The following OCA2 variants were observed in gnomAD, a reference collection of about 807,000 sequenced individuals.
OCA2 encodes the protein P protein.
In OCA2, 77 loss-of-function variants were observed where a neutral mutation model predicts 100.2. The ratio of observed to expected loss-of-function variants is 0.77; its 90% CI spans 0.64 to 0.93. OCA2 has a LOEUF of 0.93. Ranked by LOEUF, OCA2 falls within the 40% of genes least tolerant of loss-of-function variation. The pLI is 0.00. For missense variants in OCA2, 1,062 were observed against 1,089.1 expected (o/e 0.98, Z 0.35); for synonymous variants, 432 against 439.2 (o/e 0.98, Z 0.21).
chr15:27,827,390 T>C (rs887242817), intron 23 of OCA2, among the ~76,000 whole-genome samples: 1 of 152,166 alleles, frequency 6.6e-6, no homozygotes, highest in East Asian at 1.9e-4. Context: ...GGTGCTCAGG[T>C]AATTCCGGGT....
At chr15:28,019,679 G>A (rs999742789) in intron 6 of OCA2, among the ~76,000 whole-genome samples, 2 of 152,116 alleles carry the variant, frequency 1.3e-5, no homozygotes, top group Non-Finnish European at 1.5e-5. Flanking sequence ...CCAGAGGGCC[G>A]GGAGGAGGCC....
downstream of OCA2, among the ~76,000 whole-genome samples, chr15:27,751,764 C>A (rs1256914624): frequency 2.0e-5 from 3 of 152,178 alleles, no homozygotes; most frequent in Non-Finnish European, 2.9e-5. Flanking sequence ...GGAGTGCAAA[C>A]CTCAGGATCT....
At chr15:27,758,867 T>G in intron 23 of OCA2, among the ~76,000 whole-genome samples, 1 of 152,142 alleles carries the variant, frequency 6.6e-6, no homozygotes, top group East Asian at 1.9e-4. Flanking sequence ...AACATTTGTA[T>G]CATCGGAGAA....
intron 18 of OCA2, among the ~76,000 whole-genome samples, chr15:27,932,848 T>C (rs1357697904): frequency 1.3e-5 from 2 of 152,064 alleles, no homozygotes; most frequent in Non-Finnish European, 2.9e-5. Context: ...CAAACAAGAC[T>C]ACTACAGCCT....
At chr15:27,836,274 GGCTTTAAGTTT>G (rs2035148105) in intron 23 of OCA2, among the ~76,000 whole-genome samples, 1 of 152,250 alleles carries the variant, frequency 6.6e-6, no homozygotes, top group Non-Finnish European at 1.5e-5. Context: ...GGGGGTGAGT[GGCTTTAAGTTT>G]TCCTTCAGAC....
chr15:27,884,403 T>C (rs541341558), intron 19 of OCA2, among the ~76,000 whole-genome samples: 11 of 152,222 alleles, frequency 7.2e-5, no homozygotes, highest in African/African-American at 2.2e-4. Flanking sequence ...AAAATAAAAA[T>C]GAAAATGCCT....
At position 27,990,556 on chromosome 15, in the gene OCA2, T is replaced by C. The variant is rs1398261232; in HGVS notation, c.1116+20A>G. 5.0e-6 allele frequency: 8 copies of C among 1,612,408 alleles called. No homozygotes were observed. Among genetic ancestry groups the C allele is most frequent in the Non-Finnish European group, 5.9e-6 (7 of 1,178,710 alleles). On this transcript the variant is annotated intron_variant, in intron 10 of 23. Transcript: ENST00000354638. ...ATCCCACTGAGTGGTAAGCCAGGGA[T>C]TGGGACTGTGACAACTTACATCGCC...
chr15:27,827,315 C>T (rs548102986), intron 23 of OCA2, among the ~76,000 whole-genome samples: 3 of 152,132 alleles, frequency 2.0e-5, no homozygotes, highest in South Asian at 2.1e-4. Context: ...ACAAGCTGAA[C>T]GGCAAGCACC....
intron 19 of OCA2, among the ~76,000 whole-genome samples, chr15:27,925,590 G>A (rs1300239896): frequency 6.6e-6 from 1 of 152,144 alleles, no homozygotes; most frequent in African/African-American, 2.4e-5. Context: ...TGGTGCTGGG[G>A]GCATGGTTTG....
chr15:28,032,859 A>G (rs1032138687), intron 2 of OCA2, among the ~76,000 whole-genome samples: 13 of 152,124 alleles, frequency 8.5e-5, no homozygotes, highest in African/African-American at 3.1e-4. Context: ...TAGGCAGAAA[A>G]TTCTATTTCC....
chr15:27,857,372 GA>G lies in OCA2; in HGVS notation c.2245-5898del, dbSNP rs558002103. On this transcript the variant is annotated intron_variant, in intron 21 of 23. Transcript: ENST00000354638. ...AGAATATTTAAATTCATAAGAGACA[GA>G]AAGTAAGATGGTGGTTGCCAAGGCC... is the stretch of plus-strand genomic sequence containing the variant. 1.2e-4 allele frequency among the ~76,000 whole-genome samples: 19 copies of G among 152,260 alleles called. No homozygotes were observed. In the East Asian group the frequency reaches 3.3e-3, roughly 26 times the overall value.
intron 23 of OCA2, among the ~76,000 whole-genome samples, chr15:27,823,469 T>C (rs2034583636): frequency 6.6e-6 from 1 of 152,210 alleles, no homozygotes; most frequent in African/African-American, 2.4e-5. Flanking sequence ...AATAAGATTT[T>C]CCCGAAATAA....
chr15:27,865,312 C>T (rs1051229739), intron 21 of OCA2, among the ~76,000 whole-genome samples: 4 of 152,152 alleles, frequency 2.6e-5, no homozygotes, highest in Admixed American at 6.5e-5. Flanking sequence ...TGCACCTGCC[C>T]GCTCTCTGAC....
At chr15:27,955,581 G>A (rs1041360623) in intron 16 of OCA2, among the ~76,000 whole-genome samples, 1 of 152,136 alleles carries the variant, frequency 6.6e-6, no homozygotes. Flanking sequence ...GAATCTCTTT[G>A]TTTCCAAAAT....
At chr15:27,779,315 T>C (rs896740388) in intron 23 of OCA2, among the ~76,000 whole-genome samples, 1 of 152,254 alleles carries the variant, frequency 6.6e-6, no homozygotes, top group Non-Finnish European at 1.5e-5. Context: ...TGTTGCTTTC[T>C]GGATTTTCTG....
chr15:27,906,998 G>A (rs369919223), intron 19 of OCA2, among the ~76,000 whole-genome samples: 4 of 152,138 alleles, frequency 2.6e-5, no homozygotes, highest in Non-Finnish European at 5.9e-5. Context: ...AGGACTAATA[G>A]AGTGAGAACT....
intron 18 of OCA2, among the ~76,000 whole-genome samples, chr15:27,942,627 CTGAA>C (rs1218416073): frequency 1.3e-5 from 2 of 152,108 alleles, no homozygotes; most frequent in African/African-American, 4.8e-5. Flanking sequence ...CTAAAATACA[CTGAA>C]TGATATAATT....
chr15:27,986,705 C>A (rs2041366389), intron 11 of OCA2, 62 bp from the exon 12 acceptor site: 4 of 1,070,258 alleles, frequency 3.7e-6, no homozygotes, highest in South Asian at 2.5e-5. Context: ...AAAACGACAT[C>A]AGCATGATCC....
chr15:27,877,080 T>C (rs1258445124), intron 19 of OCA2, among the ~76,000 whole-genome samples: 1 of 151,982 alleles, frequency 6.6e-6, no homozygotes, highest in Non-Finnish European at 1.5e-5. Flanking sequence ...TATATTTTCA[T>C]CAACATTTTG....
Sources: allele counts gnomAD v4.1 joint callset (sites outside exome capture counted in the v4.1 genomes callset), GRCh38; gene constraint gnomAD v4.1.1; transcripts MANE v1.5; gene names NCBI Gene and HGNC (gene_info 2026-07-23, HGNC 2026-07-21).